The following TMEM132C variants were observed in gnomAD, a reference collection of about 807,000 sequenced individuals.
The protein encoded by TMEM132C is protein phosphatase 1, regulatory subunit 152.
TMEM132C carries 29 observed loss-of-function variants against 61.4 expected under a neutral mutation model. That is an observed-to-expected ratio of 0.47 (90% CI 0.35 to 0.64). The LOEUF (loss-of-function observed/expected upper bound fraction) is 0.64, where lower values mean the gene tolerates loss of function less well. TMEM132C is among the 30% of genes least tolerant of loss of function. TMEM132C has a pLI of 0.00. For missense variants in TMEM132C, 1,408 were observed against 1,476.9 expected, an observed-to-expected ratio of 0.95 and a Z score of 0.76; for synonymous variants, 656 against 633.1, an observed-to-expected ratio of 1.04 and a Z score of -0.54.
At chr12:128,660,168 G>C (rs186325250) in intron 4 of TMEM132C, among the ~76,000 whole-genome samples, 1 of 152,206 alleles carries the variant, frequency 6.6e-6, no homozygotes, top group African/African-American at 2.4e-5. Context: ...AAACACGCTT[G>C]AGAGAGGTGG....
intron 2 of TMEM132C, among the ~76,000 whole-genome samples, chr12:128,427,341 G>A (rs930052247): frequency 6.6e-6 from 1 of 151,432 alleles, no homozygotes; most frequent in African/African-American, 2.4e-5. Flanking sequence ...GAAGTGGGGT[G>A]TGTTTTTTTG....
At position 128,489,353 on chromosome 12, in the gene TMEM132C, G is replaced by A. The variant is rs112058089; in HGVS notation, c.975-54604G>A. 5.3e-3 allele frequency among the ~76,000 whole-genome samples: 787 copies of A among 148,052 alleles called. 7 individuals are homozygous for A. Among genetic ancestry groups the A allele is most frequent in the African/African-American group, 0.019 (754 of 40,706 alleles). ...CATGTTAGAGGAAGAGGATGGGGGA[G>A]AAAGGAGGCGAGAATAAAAGCTGGA... On this transcript the variant is annotated intron_variant, in intron 2 of 8. Coordinates refer to ENST00000435159, the MANE Select transcript of TMEM132C (RefSeq NM_001136103.3).
chr12:128,387,462 T>C (rs908018976), intron 1 of TMEM132C, among the ~76,000 whole-genome samples: 2 of 152,202 alleles, frequency 1.3e-5, no homozygotes, highest in African/African-American at 4.8e-5. Flanking sequence ...TGAGTTCCAT[T>C]GTAGACTCCT....
chr12:128,375,148 A>G (rs1318894082), intron 1 of TMEM132C, among the ~76,000 whole-genome samples: 1 of 151,738 alleles, frequency 6.6e-6, no homozygotes, highest in African/African-American at 2.4e-5. Context: ...ATGCCCTTAG[A>G]TCTTACCAAA....
chr12:128,304,991 G>T (rs557389254), intron 1 of TMEM132C, among the ~76,000 whole-genome samples: 1 of 152,150 alleles, frequency 6.6e-6, no homozygotes, highest in African/African-American at 2.4e-5. Context: ...GAGGAGGGGC[G>T]AGGAAAGGGT....
chr12:128,446,391 G>A (rs1869981227), intron 2 of TMEM132C, among the ~76,000 whole-genome samples: 1 of 152,218 alleles, frequency 6.6e-6, no homozygotes, highest in Non-Finnish European at 1.5e-5. Flanking sequence ...AATGTAGGAT[G>A]TCCCTGAGCC....
chr12:128,667,366 G>T (rs1231921605), intron 4 of TMEM132C, among the ~76,000 whole-genome samples: 1 of 152,160 alleles, frequency 6.6e-6, no homozygotes, highest in East Asian at 1.9e-4. Flanking sequence ...TACCTGTAAT[G>T]AACCTGAAAA....
rs139152323 is a variant in TMEM132C at position 128,682,445 on chromosome 12, G to T, written c.1450-11384G>T. 4.2e-3 allele frequency among the ~76,000 whole-genome samples: 646 copies of T among 152,314 alleles called. 2 individuals are homozygous for T. The highest frequency in any genetic ancestry group is 6.8e-3 in the Non-Finnish European group (461 of 68,020). On this transcript the variant is annotated intron_variant, in intron 5 of 8. Transcript: ENST00000435159. ...CCAAGCAATGGTTCCCGATCTAGCC[G>T]AGGGCGGAGAGGAATGGGAGAACGG...
chr12:128,422,686 T>C (rs1237255090), intron 2 of TMEM132C, among the ~76,000 whole-genome samples: 1 of 152,192 alleles, frequency 6.6e-6, no homozygotes, highest in Non-Finnish European at 1.5e-5. Context: ...GGCTTCTCAA[T>C]CTCAATATCA....
chr12:128,515,016 C>A (rs1200481604), intron 2 of TMEM132C, among the ~76,000 whole-genome samples: 1 of 152,216 alleles, frequency 6.6e-6, no homozygotes, highest in Non-Finnish European at 1.5e-5. Flanking sequence ...AGAGTCTGGA[C>A]ACGGATAAAG....
chr12:128,699,416 C>A (rs1300638303), intron 8 of TMEM132C, among the ~76,000 whole-genome samples: 2 of 152,284 alleles, frequency 1.3e-5, no homozygotes, highest in Admixed American at 1.3e-4. Context: ...TGGGTGGTGG[C>A]AGAATCCAGA....
chr12:128,629,332 T>C (rs1302648437), intron 4 of TMEM132C, among the ~76,000 whole-genome samples: 1 of 151,974 alleles, frequency 6.6e-6, no homozygotes, highest in Non-Finnish European at 1.5e-5. Context: ...CTGGGCAATA[T>C]AGTGAGACCT....
intron 1 of TMEM132C, among the ~76,000 whole-genome samples, chr12:128,357,590 G>GA (rs1873550875): frequency 7.3e-5 from 11 of 151,598 alleles, no homozygotes; most frequent in African/African-American, 2.2e-4. Context: ...AGCTACTCAG[G>GA]AGGCTGAGGC....
intron 6 of TMEM132C, among the ~76,000 whole-genome samples, chr12:128,695,359 A>C (rs1954751671): frequency 7.6e-6 from 1 of 131,834 alleles, no homozygotes; most frequent in African/African-American, 2.6e-5. Flanking sequence ...ATCTCTACAG[A>C]ATTTTTTTTT....
chr12:128,299,451 G>C (rs1358491849), intron 1 of TMEM132C, among the ~76,000 whole-genome samples: 1 of 152,150 alleles, frequency 6.6e-6, no homozygotes, highest in Non-Finnish European at 1.5e-5. Flanking sequence ...ACCAGCTATT[G>C]ATGGCATGGC....
chr12:128,305,104 C>T (rs1478503615), intron 1 of TMEM132C, among the ~76,000 whole-genome samples: 1 of 152,016 alleles, frequency 6.6e-6, no homozygotes, highest in Non-Finnish European at 1.5e-5. Context: ...TTAGGCTGGG[C>T]GTGGTGGCTC....
At chr12:128,632,778 G>A (rs1001446600) in intron 4 of TMEM132C, among the ~76,000 whole-genome samples, 3 of 152,158 alleles carry the variant, frequency 2.0e-5, no homozygotes, top group Non-Finnish European at 4.4e-5. Flanking sequence ...TCTAGGCAAA[G>A]GCTTCTCCTG....
At chr12:128,522,970 G>A (rs1456872508) in intron 2 of TMEM132C, among the ~76,000 whole-genome samples, 1 of 152,128 alleles carries the variant, frequency 6.6e-6, no homozygotes, top group African/African-American at 2.4e-5. Context: ...GTTTATAGCA[G>A]CAGTGTTTAC....
chr12:128,470,745 T>C (rs1870923266), intron 2 of TMEM132C, among the ~76,000 whole-genome samples: 1 of 152,192 alleles, frequency 6.6e-6, no homozygotes, highest in South Asian at 2.1e-4. Context: ...TGTACACTTT[T>C]TCTTAGTATA....
Sources: gnomAD v4.1 joint callset for allele counts (sites outside exome capture counted in the v4.1 genomes callset) on GRCh38, gnomAD v4.1.1 for gene constraint, MANE v1.5 for transcripts, NCBI Gene and HGNC (gene_info 2026-07-23, HGNC 2026-07-21) for gene names.